The following CNKSR2 variants were observed in gnomAD, a reference collection of about 807,000 sequenced individuals.
The protein encoded by CNKSR2 is CNK homolog protein 2.
In CNKSR2, 14 loss-of-function variants were observed where a neutral mutation model predicts 84.4. That is an observed-to-expected ratio of 0.17 (90% CI 0.11 to 0.26). CNKSR2 has a LOEUF of 0.26. CNKSR2 is among the 10% of genes least tolerant of loss of function. The probability of loss-of-function intolerance (pLI) is 1.00; values close to 1 mark genes in which losing one functional copy is unlikely to be tolerated. For synonymous variants in CNKSR2, 275 were observed against 277.9 expected, an observed-to-expected ratio of 0.99 and a Z score of 0.10; for missense variants, 485 against 771.2, an observed-to-expected ratio of 0.63 and a Z score of 4.40.
At chrX:21,648,756 G>GAATT in intron 20 of CNKSR2, 75 bp from the exon 21 acceptor site, 1 of 858,169 alleles carries the variant, frequency 1.2e-6, no homozygotes, top group South Asian at 2.8e-5. Flanking sequence ...ATATTGCAAT[G>GAATT]AATTCATTTC....
chrX:21,645,725 GAA>G (rs1441400065), intron 20 of CNKSR2: 1 of 111,036 alleles, frequency 9.0e-6, no homozygotes, highest in Non-Finnish European at 1.9e-5. Flanking sequence ...AGCAAGGGTT[GAA>G]AAAAGAGAGA....
intron 13 of CNKSR2, 134 bp downstream of exon 13, chrX:21,563,586 C>A (rs1040887395): frequency 2.2e-6 from 1 of 461,714 alleles, no homozygotes; most frequent in Non-Finnish European, 3.5e-6. Flanking sequence ...AAAGTTTATG[C>A]CCTTAAAAAA....
At chrX:21,512,992 G>GT in intron 8 of CNKSR2, among the ~76,000 whole-genome samples, 1 of 111,817 alleles carries the variant, frequency 8.9e-6, no homozygotes, top group Non-Finnish European at 1.9e-5. Flanking sequence ...GGGTTTAATA[G>GT]TTTACCTCAT....
At chrX:21,550,416 A>C (rs2092075640) in intron 11 of CNKSR2, among the ~76,000 whole-genome samples, 1 of 111,786 alleles carries the variant, frequency 8.9e-6, no homozygotes, top group East Asian at 2.8e-4. Flanking sequence ...GTCAGGAAAC[A>C]ACAGATGCTG....
chrX:21,553,824 A>G (rs1353006000), intron 11 of CNKSR2, among the ~76,000 whole-genome samples: 1 of 111,767 alleles, frequency 8.9e-6, no homozygotes, highest in Non-Finnish European at 1.9e-5. Context: ...TGAGAACTGC[A>G]TGCTTTTAAC....
chrX:21,472,518 G>A (rs1244684822), intron 5 of CNKSR2, among the ~76,000 whole-genome samples: 2 of 111,562 alleles, frequency 1.8e-5, no homozygotes, highest in Non-Finnish European at 3.8e-5. Flanking sequence ...TATTTGTTTT[G>A]TATTTAGCTT....
chrX:21,459,885 A>G (rs1369784629), intron 4 of CNKSR2, among the ~76,000 whole-genome samples: 3 of 111,449 alleles, frequency 2.7e-5, no homozygotes, highest in East Asian at 5.6e-4. Context: ...ATTAAAACTG[A>G]TTTTTAAAGC....
intron 8 of CNKSR2, chrX:21,505,600 G>A (rs1484054194): frequency 9.0e-6 from 1 of 111,507 alleles, no homozygotes; most frequent in Non-Finnish European, 1.9e-5. Flanking sequence ...CTTCATTTAT[G>A]CGTCTCCCTT....
chrX:21,526,204 T>A (rs762859866), intron 9 of CNKSR2, among the ~76,000 whole-genome samples: 1 of 111,499 alleles, frequency 9.0e-6, no homozygotes, highest in South Asian at 3.8e-4. Flanking sequence ...TGTGTGTGCC[T>A]ATGAATGGTG....
chrX:21,432,912 G>A, intron 3 of CNKSR2, 98 bp downstream of exon 3: 1 of 823,626 alleles, frequency 1.2e-6, no homozygotes, highest in Non-Finnish European at 1.8e-6. Flanking sequence ...TGGACAGGCA[G>A]AGGAGTACCA....
chrX:21,530,799 G>T (rs1254803158), intron 10 of CNKSR2, among the ~76,000 whole-genome samples: 1 of 110,686 alleles, frequency 9.0e-6, no homozygotes, highest in Non-Finnish European at 1.9e-5. Context: ...AAATAAACAA[G>T]ATTCAATTTA....
At position 21,374,839 on chromosome X, in the gene CNKSR2, G is replaced by A. The variant is rs1400490706; in HGVS notation, c.-59G>A. On this transcript the variant is annotated 5_prime_UTR_variant, in exon 1 of 22. Transcript: ENST00000379510. ...GGGACCCCACCTGAGAGCAGCTCGG[G>A]CTGCTGAGTTCGTTTTGTGTCTGAG... The A allele has an allele frequency of 4.8e-6, 5 of 1,039,190 alleles. No homozygotes were observed. The highest frequency in any genetic ancestry group is 4.4e-5 in the Admixed American group (2 of 45,770). The allele number at this position is 1,039,190 out of a possible 1,213,427, so 85.6% of individuals were successfully genotyped here. A position where few individuals can be genotyped will look rare whatever the true frequency, so the allele number is the denominator to read the frequency against.
At chrX:21,411,875 G>A (rs954289717) in intron 1 of CNKSR2, among the ~76,000 whole-genome samples, 21 of 111,353 alleles carry the variant, frequency 1.9e-4, no homozygotes, top group African/African-American at 4.6e-4. Flanking sequence ...GGCCATGTCC[G>A]TTTCTGCTCA....
intron 16 of CNKSR2, 70 bp downstream of exon 16, chrX:21,595,117 G>A: frequency 1.1e-6 from 1 of 895,163 alleles, no homozygotes; most frequent in East Asian, 3.2e-5. Context: ...TAAATTATAG[G>A]TTGCTCATTT....
At chrX:21,539,733 A>G (rs1418150920) in intron 11 of CNKSR2, among the ~76,000 whole-genome samples, 1 of 111,231 alleles carries the variant, frequency 9.0e-6, no homozygotes, top group Non-Finnish European at 1.9e-5. Context: ...GTGTGTGCAC[A>G]GTAGTGTAAT....
intron 18 of CNKSR2, among the ~76,000 whole-genome samples, chrX:21,603,314 TG>T (rs1407145155): frequency 1.8e-5 from 2 of 112,363 alleles, no homozygotes; most frequent in Non-Finnish European, 3.8e-5. Flanking sequence ...ACCTCCTGAA[TG>T]ATTAGGTTGC....
chrX:21,551,978 G>C (rs972445457), intron 11 of CNKSR2, among the ~76,000 whole-genome samples: 1 of 110,224 alleles, frequency 9.1e-6, no homozygotes, highest in East Asian at 2.9e-4. Context: ...TTCATTTAAG[G>C]TTGTTAGCGT....
At chrX:21,642,306 T>C (rs1184819436) in intron 20 of CNKSR2, 1 of 748,022 alleles carries the variant, frequency 1.3e-6, no homozygotes, top group African/African-American at 2.3e-5. Flanking sequence ...CCTAACTTTC[T>C]CCTTATTTCT....
intron 15 of CNKSR2, chrX:21,593,803 T>G (rs1278411110): frequency 1.8e-5 from 2 of 111,574 alleles, no homozygotes; most frequent in African/African-American, 6.5e-5. Context: ...AACTCTTGAA[T>G]GCACAGAATA....
Sources: gnomAD v4.1 joint callset for allele counts (sites outside exome capture counted in the v4.1 genomes callset) on GRCh38, gnomAD v4.1.1 for gene constraint, MANE v1.5 for transcripts, NCBI Gene and HGNC (gene_info 2026-07-23, HGNC 2026-07-21) for gene names.